PDE10A: variants seen among roughly 807,000 people sequenced by gnomAD.
The protein encoded by PDE10A is phosphodiesterase 10A, also known as cAMP and cAMP-inhibited cGMP 3',5'-cyclic phosphodiesterase 10A.
In PDE10A, 39 loss-of-function variants were observed where a neutral mutation model predicts 97.7. The observed-to-expected ratio is 0.40, with a 90% confidence interval of 0.31 to 0.52. The LOEUF is 0.52. Ranked by LOEUF, PDE10A falls within the 20% of genes least tolerant of loss-of-function variation. The pLI, the probability that PDE10A is intolerant of heterozygous loss-of-function variation, is 0.56. For missense variants in PDE10A, 731 were observed against 1,047.8 expected, an observed-to-expected ratio of 0.70 and a Z score of 4.17; for synonymous variants, 371 against 376.8, an observed-to-expected ratio of 0.98 and a Z score of 0.18.
At chr6:165,794,756 G>T (rs1778785672) in intron 1 of PDE10A, among the ~76,000 whole-genome samples, 1 of 152,178 alleles carries the variant, frequency 6.6e-6, no homozygotes, top group Non-Finnish European at 1.5e-5. Flanking sequence ...GAGAATTGAT[G>T]TCTCCCTGAC....
intron 1 of PDE10A, among the ~76,000 whole-genome samples, chr6:165,760,514 T>C (rs1793224916): frequency 6.6e-6 from 1 of 152,252 alleles, no homozygotes; most frequent in Non-Finnish European, 1.5e-5. Context: ...TTCTGTGTGC[T>C]TTTATCATAA....
intron 5 of PDE10A, among the ~76,000 whole-genome samples, chr6:165,441,812 C>T (rs1790490859): frequency 6.6e-6 from 1 of 152,112 alleles, no homozygotes. Context: ...GAATCAATGC[C>T]CTACTGGTTT....
intron 1 of PDE10A, among the ~76,000 whole-genome samples, chr6:165,955,899 T>C (rs1342512490): frequency 6.6e-6 from 1 of 152,248 alleles, no homozygotes; most frequent in Non-Finnish European, 1.5e-5. Context: ...TTGATTCATA[T>C]AAAAATTCCT....
intron 1 of PDE10A, among the ~76,000 whole-genome samples, chr6:165,866,869 T>C (rs919709526): frequency 1.3e-5 from 2 of 150,382 alleles, no homozygotes; most frequent in Middle Eastern, 3.2e-3. Context: ...AAAAAAGAAG[T>C]AAAGTCTTTC....
At chr6:165,934,647 T>A (rs1423881550) in intron 1 of PDE10A, among the ~76,000 whole-genome samples, 1 of 152,230 alleles carries the variant, frequency 6.6e-6, no homozygotes, top group African/African-American at 2.4e-5. Flanking sequence ...GAAAGCATAC[T>A]CTACCCAGTA....
chr6:165,410,778 C>T (rs150658326), intron 13 of PDE10A, among the ~76,000 whole-genome samples: 1 of 151,878 alleles, frequency 6.6e-6, no homozygotes, highest in Non-Finnish European at 1.5e-5. Flanking sequence ...GAGGAAACAC[C>T]AGACAAATCC....
At chr6:165,769,468 A>G (rs561295501) in intron 1 of PDE10A, among the ~76,000 whole-genome samples, 2 of 152,306 alleles carry the variant, frequency 1.3e-5, no homozygotes, top group South Asian at 2.1e-4. Context: ...GGCAATTTGT[A>G]TTGGTGAATT....
At chr6:165,692,394 A>G (rs963136951) in intron 1 of PDE10A, among the ~76,000 whole-genome samples, 4 of 152,184 alleles carry the variant, frequency 2.6e-5, no homozygotes, top group Admixed American at 2.6e-4. Context: ...AGCATCACAC[A>G]TTGGGCCCTC....
At chr6:165,481,311 A>C (rs1779594358) in intron 3 of PDE10A, among the ~76,000 whole-genome samples, 1 of 152,152 alleles carries the variant, frequency 6.6e-6, no homozygotes. Flanking sequence ...ATGTGACATT[A>C]ATAGCGAAGG....
chr6:165,459,506 TAGATAGATAGATAGATAGACAGAC>T (rs201961768), intron 3 of PDE10A, among the ~76,000 whole-genome samples: 1,997 of 63,220 alleles, frequency 0.032, 45 homozygotes, highest in African/African-American at 0.12. Context: ...GATAGATAGA[TAGATAGATAGATAGATAGACAGAC>T]AGACAGACAG....
chr6:165,963,110 T>C (rs1190055967), intron 1 of PDE10A, among the ~76,000 whole-genome samples: 1 of 152,190 alleles, frequency 6.6e-6, no homozygotes, highest in African/African-American at 2.4e-5. Flanking sequence ...AATGCAACCT[T>C]TTCCATCCTT....
rs942275833 is a variant in PDE10A, at chr6:165,671,069, G to A, written c.-614-127501C>T. On this transcript the variant is annotated intron_variant, in intron 1 of 19. Coordinates refer to the PDE10A transcript ENST00000366882. The surrounding 1 kb of genome is among the most constrained non-coding windows in gnomAD (Gnocchi z 4.6). ...TTTCCGATCAGATTGTACTGGTAAA[G>A]AGTCTGATTTCCTAGGTTTTCAACA... 3.3e-5 allele frequency among the ~76,000 whole-genome samples: 5 copies of A among 152,090 alleles called. No individual in the cohort carries two copies. The highest frequency in any genetic ancestry group is 7.4e-5 in the Non-Finnish European group (5 of 68,022).
intron 13 of PDE10A, among the ~76,000 whole-genome samples, chr6:165,400,645 G>T (rs1001553427): frequency 6.6e-6 from 1 of 152,160 alleles, no homozygotes; most frequent in Non-Finnish European, 1.5e-5. Flanking sequence ...TTGGTAAACA[G>T]TTTGGCAGTC....
chr6:165,927,657 TATATATATATATATATATATA>T (rs1350455930), intron 1 of PDE10A, among the ~76,000 whole-genome samples: 2 of 114,158 alleles, frequency 1.8e-5, no homozygotes, highest in African/African-American at 3.3e-5. Context: ...CATATATATA[TATATATATATATATATATATA>T]GTTTTTTGTT....
chr6:165,365,169 A>C (rs564775502), intron 18 of PDE10A, among the ~76,000 whole-genome samples: 2 of 152,316 alleles, frequency 1.3e-5, no homozygotes, highest in African/African-American at 4.8e-5. Flanking sequence ...TAAGAAAGGA[A>C]GAAATAAAAA....
At chr6:165,715,150 G>A (rs9364813) in intron 1 of PDE10A, among the ~76,000 whole-genome samples, 14,407 of 152,236 alleles carry the variant, frequency 0.095, 971 homozygotes, top group East Asian at 0.23. Flanking sequence ...AGGTGCGGCC[G>A]GCGCTGCTTA....
intron 1 of PDE10A, among the ~76,000 whole-genome samples, chr6:165,973,512 A>C (rs1784757875): frequency 6.6e-6 from 1 of 152,180 alleles, no homozygotes; most frequent in Non-Finnish European, 1.5e-5. Flanking sequence ...GTTTTATTGA[A>C]GTTAGTTGAG....
intron 1 of PDE10A, among the ~76,000 whole-genome samples, chr6:165,896,330 C>T (rs1781947131): frequency 6.6e-6 from 1 of 151,768 alleles, no homozygotes; most frequent in South Asian, 2.1e-4. Context: ...TAGCACACTG[C>T]TTTATATGTA....
At chr6:165,923,277 C>T (rs1352008938) in intron 1 of PDE10A, among the ~76,000 whole-genome samples, 1 of 152,100 alleles carries the variant, frequency 6.6e-6, no homozygotes, top group African/African-American at 2.4e-5. Context: ...CATAATTATC[C>T]CTGGGAAATA....
Sources: gnomAD v4.1 joint callset for allele counts (sites outside exome capture counted in the v4.1 genomes callset) on GRCh38, gnomAD v4.1.1 for gene constraint, Gnocchi (gnomAD v3.1) non-coding constraint, MANE v1.5 for transcripts, NCBI Gene and HGNC (gene_info 2026-07-23, HGNC 2026-07-21) for gene names.